The following GRID2 variants were observed in gnomAD, a reference collection of about 807,000 sequenced individuals.
GRID2 encodes glutamate receptor ionotropic, delta-2.
A neutral mutation model predicts 114.8 loss-of-function variants in GRID2; 33 were observed. The ratio of observed to expected loss-of-function variants is 0.29; its 90% CI spans 0.22 to 0.38. The LOEUF (loss-of-function observed/expected upper bound fraction) is 0.38. GRID2 is among the 10% of genes least tolerant of loss of function. GRID2 has a pLI of 1.00. For missense variants in GRID2, 1,184 were observed against 1,257.7 expected (o/e 0.94, Z 0.89); for synonymous variants, 505 against 449.9 (o/e 1.12, Z -1.55).
chr4:93,703,445 T>C (rs1047316652), intron 14 of GRID2, among the ~76,000 whole-genome samples: 4 of 152,178 alleles, frequency 2.6e-5, no homozygotes, highest in Admixed American at 6.6e-5. Flanking sequence ...GTATAATAAG[T>C]TATCATTGAC....
intron 13 of GRID2, among the ~76,000 whole-genome samples, chr4:93,573,860 A>G (rs1353102600): frequency 6.6e-6 from 1 of 152,160 alleles, no homozygotes; most frequent in Non-Finnish European, 1.5e-5. Context: ...GTTGGAACCT[A>G]ATACAAATGG....
At chr4:92,352,207 G>A (rs886433161) in intron 1 of GRID2, among the ~76,000 whole-genome samples, 2 of 151,590 alleles carry the variant, frequency 1.3e-5, no homozygotes, top group African/African-American at 2.4e-5. Flanking sequence ...GAGATGATAT[G>A]GCATTGTGGT....
At chr4:92,522,695 CA>C (rs1724847885) in intron 1 of GRID2, among the ~76,000 whole-genome samples, 3 of 151,826 alleles carry the variant, frequency 2.0e-5, no homozygotes, top group African/African-American at 7.3e-5. Flanking sequence ...AGGATCAGAG[CA>C]AGAGCAGTAG....
intron 1 of GRID2, among the ~76,000 whole-genome samples, chr4:92,311,108 T>C (rs939145840): frequency 6.6e-6 from 1 of 152,054 alleles, no homozygotes; most frequent in African/African-American, 2.4e-5. Flanking sequence ...ATCACTCCTA[T>C]AGAACACTGC....
intron 10 of GRID2, among the ~76,000 whole-genome samples, 174 bp downstream of exon 10, chr4:93,423,142 T>C (rs1415173199): frequency 6.6e-6 from 1 of 152,068 alleles, no homozygotes; most frequent in African/African-American, 2.4e-5. Context: ...CTCAATACTA[T>C]TTTATGAACT....
chr4:93,473,525 T>C lies in GRID2; in HGVS notation c.1859-17114T>C, dbSNP rs561624141. On this transcript the variant is annotated intron_variant, in intron 11 of 15. Transcript: ENST00000282020. ...GTACATTCAAACAGTTGAAACTACT[T>C]GGACATAAAACATGACAACTCTGCA... Among the ~76,000 whole-genome samples the C allele has an allele frequency of 2.1e-4, 32 of 152,288 alleles. 1 individual carries two copies. The South Asian group carries it at 6.6e-3, about 32-fold the overall frequency.
At chr4:92,990,339 T>C (rs1284947971) in intron 2 of GRID2, among the ~76,000 whole-genome samples, 6 of 150,264 alleles carry the variant, frequency 4.0e-5, no homozygotes, top group African/African-American at 1.5e-4. Context: ...ATAATTTTTT[T>C]TGAGATAGAG....
chr4:92,923,962 C>T lies in GRID2; in HGVS notation c.245-161033C>T, dbSNP rs184718809. ...GACACATGCACACGTATGTTTATTG[C>T]GGCACTATTCACAATAGCAAAGACT... On this transcript the variant is annotated intron_variant, in intron 2 of 15. Transcript: ENST00000282020. Among the ~76,000 whole-genome samples, 1,177 of 152,128 alleles carry T rather than the reference C, an allele frequency of 7.7e-3. 18 individuals are homozygous for T. Among genetic ancestry groups the T allele is most frequent in the African/African-American group, 0.027 (1,102 of 41,490 alleles).
chr4:92,577,088 G>A (rs537464179), intron 1 of GRID2, among the ~76,000 whole-genome samples: 109 of 152,114 alleles, frequency 7.2e-4, no homozygotes, highest in African/African-American at 2.3e-3. Context: ...TAGCATATTC[G>A]AAAGGGAACC....
intron 2 of GRID2, among the ~76,000 whole-genome samples, chr4:92,798,899 T>G (rs972102610): frequency 6.6e-6 from 1 of 151,950 alleles, no homozygotes; most frequent in Non-Finnish European, 1.5e-5. Flanking sequence ...AAATGTTCAT[T>G]TTAAAAATTA....
At chr4:93,067,478 A>G (rs1728403369) in intron 2 of GRID2, among the ~76,000 whole-genome samples, 1 of 152,018 alleles carries the variant, frequency 6.6e-6, no homozygotes, top group African/African-American at 2.4e-5. Flanking sequence ...TTATAAGGTT[A>G]CTTATCCCAT....
At chr4:93,578,586 TA>T (rs778176394) in intron 13 of GRID2, among the ~76,000 whole-genome samples, 4,049 of 135,778 alleles carry the variant, frequency 0.03, 67 homozygotes, top group South Asian at 0.047. Flanking sequence ...TTGTTTTTTG[TA>T]TTTTTTTTTT....
intron 2 of GRID2, among the ~76,000 whole-genome samples, chr4:92,999,933 C>G (rs1041413409): frequency 5.9e-5 from 9 of 151,448 alleles, no homozygotes; most frequent in Non-Finnish European, 1.2e-4. Context: ...ACAGTTTGTC[C>G]TATATTGGTC....
At chr4:92,617,754 A>G (rs1038567277) in intron 2 of GRID2, among the ~76,000 whole-genome samples, 3 of 151,706 alleles carry the variant, frequency 2.0e-5, no homozygotes, top group Admixed American at 2.0e-4. Flanking sequence ...TTCCCTGATG[A>G]TTAGTGATAG....
At chr4:93,744,797 G>C (rs1450262527) in intron 14 of GRID2, among the ~76,000 whole-genome samples, 1 of 152,118 alleles carries the variant, frequency 6.6e-6, no homozygotes, top group African/African-American at 2.4e-5. Context: ...GAAATCTTTT[G>C]TGAAAGGAAT....
intron 2 of GRID2, among the ~76,000 whole-genome samples, chr4:92,844,358 G>T (rs1283057697): frequency 1.3e-5 from 2 of 151,932 alleles, no homozygotes; most frequent in Non-Finnish European, 2.9e-5. Context: ...GAACCACATG[G>T]TGAAACCCCG....
At chr4:93,514,385 C>G (rs979707460) in intron 12 of GRID2, among the ~76,000 whole-genome samples, 1 of 150,908 alleles carries the variant, frequency 6.6e-6, no homozygotes, top group African/African-American at 2.4e-5. Context: ...GAAATGTATT[C>G]TCATCCAAAT....
intron 1 of GRID2, among the ~76,000 whole-genome samples, chr4:92,521,792 G>C (rs995853765): frequency 1.3e-5 from 2 of 151,944 alleles, no homozygotes; most frequent in Non-Finnish European, 2.9e-5. Context: ...TATATGGCCG[G>C]CAGTACAAAT....
At chr4:92,996,712 G>A (rs1350448846) in intron 2 of GRID2, among the ~76,000 whole-genome samples, 4 of 152,114 alleles carry the variant, frequency 2.6e-5, no homozygotes, top group African/African-American at 9.7e-5. Flanking sequence ...TATTTTCAAG[G>A]TCTGAAATGA....
Sources: gnomAD v4.1 joint callset for allele counts (sites outside exome capture counted in the v4.1 genomes callset) on GRCh38, gnomAD v4.1.1 for gene constraint, MANE v1.5 for transcripts, NCBI Gene and HGNC (gene_info 2026-07-23, HGNC 2026-07-21) for gene names.